The following CORIN variants were observed in gnomAD, a reference collection of about 807,000 sequenced individuals.
CORIN encodes corin, serine peptidase.
CORIN carries 117 observed loss-of-function variants against 125.3 expected under a neutral mutation model. That is an observed-to-expected ratio of 0.93 (90% CI 0.80 to 1.09). The LOEUF is 1.09. Ranked by LOEUF, CORIN falls within the 50% of genes least tolerant of loss-of-function variation. The pLI, the probability that CORIN is intolerant of heterozygous loss-of-function variation, is 0.00. For missense variants in CORIN, 1,253 were observed against 1,306.7 expected, an observed-to-expected ratio of 0.96 and a Z score of 0.63; for synonymous variants, 450 against 466.4, an observed-to-expected ratio of 0.96 and a Z score of 0.45.
rs1339769155 is a variant in CORIN at position 47,674,399 on chromosome 4, T to C, written c.1351A>G (p.Asn451Asp). Residue 451 changes from asparagine to aspartate, a missense_variant, in exon 10 of 22, where the codon AAC (asparagine) becomes GAC (aspartate). Transcript: ENST00000273857. ...TGTCAGCTGTTGTACTTACTACAGT[T>C]ATTCAGACTGTTGTTCGGGTCACAG... ...SLCDPNNSLNNCSQCEPITLE... is the reference protein window; with the variant it reads ...SLCDPNNSLNDCSQCEPITLE... 1 of 1,605,372 alleles carries C rather than the reference T, an allele frequency of 6.2e-7. No homozygotes were observed. The highest frequency in any genetic ancestry group is 1.1e-5 in the South Asian group (1 of 90,870).
At chr4:47,603,267 A>C (rs1009836719) in intron 20 of CORIN, 130 bp downstream of exon 20, 1 of 881,358 alleles carries the variant, frequency 1.1e-6, no homozygotes, top group Non-Finnish European at 1.7e-6. Flanking sequence ...TTCCGCCATG[A>C]TTGTAGGTTT....
At chr4:47,791,656 A>C (rs1731087364) in intron 2 of CORIN, among the ~76,000 whole-genome samples, 5 of 152,216 alleles carry the variant, frequency 3.3e-5, no homozygotes, top group Admixed American at 3.3e-4. Flanking sequence ...GGACATGGCA[A>C]ATAGACATAT....
intron 19 of CORIN, among the ~76,000 whole-genome samples, chr4:47,616,993 A>T (rs954290604): frequency 1.3e-5 from 2 of 152,240 alleles, no homozygotes; most frequent in Non-Finnish European, 2.9e-5. Context: ...ACCATACTCA[A>T]GGGAAAGCAG....
At chr4:47,658,273 T>C (rs1214221177) in intron 12 of CORIN, among the ~76,000 whole-genome samples, 3 of 152,212 alleles carry the variant, frequency 2.0e-5, no homozygotes. Flanking sequence ...TTGGACTCCA[T>C]ATCCTGCATA....
chr4:47,735,603 G>A (rs1728091430), intron 5 of CORIN, among the ~76,000 whole-genome samples: 1 of 152,052 alleles, frequency 6.6e-6, no homozygotes, highest in South Asian at 2.1e-4. Context: ...TGTTTTAAGT[G>A]GCATTTTAGT....
At chr4:47,794,237 C>A (rs1731196864) in intron 2 of CORIN, among the ~76,000 whole-genome samples, 1 of 152,024 alleles carries the variant, frequency 6.6e-6, no homozygotes, top group Non-Finnish European at 1.5e-5. Context: ...TCTTTTAACT[C>A]CAAATTCTTG....
intron 19 of CORIN, among the ~76,000 whole-genome samples, chr4:47,621,583 C>A (rs1224317073): frequency 6.6e-6 from 1 of 152,180 alleles, no homozygotes; most frequent in Non-Finnish European, 1.5e-5. Flanking sequence ...CAACAGATAG[C>A]TGGAAGAGAT....
intron 1 of CORIN, among the ~76,000 whole-genome samples, chr4:47,832,018 G>A (rs1733034936): frequency 6.6e-6 from 1 of 152,180 alleles, no homozygotes; most frequent in Non-Finnish European, 1.5e-5. Flanking sequence ...TTAAACACTT[G>A]GTGGATCTTT....
intron 13 of CORIN, among the ~76,000 whole-genome samples, chr4:47,652,995 C>T (rs1723803183): frequency 6.6e-6 from 1 of 152,080 alleles, no homozygotes; most frequent in African/African-American, 2.4e-5. Flanking sequence ...ATAGTAGTGC[C>T]CCTCCACCCT....
chr4:47,722,859 G>A (rs1727419253), intron 5 of CORIN, among the ~76,000 whole-genome samples: 1 of 152,188 alleles, frequency 6.6e-6, no homozygotes, highest in Non-Finnish European at 1.5e-5. Flanking sequence ...AAACAGTAAA[G>A]ACCAGTAAGC....
chr4:47,632,892 GCCTCAGCCT>G (rs1722896459), intron 16 of CORIN, among the ~76,000 whole-genome samples: 2 of 151,944 alleles, frequency 1.3e-5, no homozygotes, highest in African/African-American at 4.8e-5. Flanking sequence ...CAATTCTTCT[GCCTCAGCCT>G]CCTGGGTAGC....
chr4:47,710,860 C>A (rs1302565024), intron 5 of CORIN, among the ~76,000 whole-genome samples: 1 of 152,224 alleles, frequency 6.6e-6, no homozygotes, highest in Non-Finnish European at 1.5e-5. Flanking sequence ...ACTGCTCACA[C>A]GCATGATCTA....
At chr4:47,766,961 A>AG (rs1729782986) in intron 3 of CORIN, among the ~76,000 whole-genome samples, 1 of 151,988 alleles carries the variant, frequency 6.6e-6, no homozygotes, top group Admixed American at 6.5e-5. Flanking sequence ...AAAAAAAAAA[A>AG]AAAAGGTACA....
intron 5 of CORIN, among the ~76,000 whole-genome samples, chr4:47,725,636 G>T (rs1464774277): frequency 6.6e-6 from 1 of 152,000 alleles, no homozygotes; most frequent in Non-Finnish European, 1.5e-5. Context: ...CTCAATGCAG[G>T]TCATATAAAA....
At chr4:47,724,929 G>A (rs1416494531) in intron 5 of CORIN, among the ~76,000 whole-genome samples, 1 of 152,070 alleles carries the variant, frequency 6.6e-6, no homozygotes, top group African/African-American at 2.4e-5. Context: ...AGAGGTGAGG[G>A]GATTATACAG....
chr4:47,774,994 T>C (rs1730225792), intron 3 of CORIN, among the ~76,000 whole-genome samples: 2 of 151,864 alleles, frequency 1.3e-5, no homozygotes, highest in African/African-American at 4.8e-5. Flanking sequence ...GGGTATAGAG[T>C]TTCAGGCGTG....
chr4:47,706,483 A>C (rs901218600), intron 5 of CORIN: 25 of 1,611,406 alleles, frequency 1.6e-5, no homozygotes, highest in Non-Finnish European at 5.1e-6. Context: ...TGCTCTTCAC[A>C]GGGCTCCCCG....
chr4:47,787,513 CA>C lies in CORIN; in HGVS notation c.209-589del, dbSNP rs769509859. On this transcript the variant is annotated intron_variant, in intron 2 of 21. Transcript: ENST00000273857. ...TTATCAAAACTTGTATCATAGGAAC[CA>C]AAAAAAAAAAAACCTCTAAAGCACA... Among the ~76,000 whole-genome samples, 905 of 119,858 alleles carry C rather than the reference CA, an allele frequency of 7.6e-3. 4 individuals carry two copies. The highest frequency in any genetic ancestry group is 0.022 in the African/African-American group (714 of 33,202). The allele number at this position is 119,858 out of a possible 152,430, so 78.6% of individuals were successfully genotyped here.
intron 1 of CORIN, among the ~76,000 whole-genome samples, chr4:47,837,012 T>G (rs1209848377): frequency 1.3e-5 from 2 of 152,216 alleles, no homozygotes; most frequent in Non-Finnish European, 2.9e-5. Flanking sequence ...TTAGACCTTC[T>G]TCCTGGGGGC....
Sources: gnomAD v4.1 joint callset for allele counts (sites outside exome capture counted in the v4.1 genomes callset) on GRCh38, gnomAD v4.1.1 for gene constraint, MANE v1.5 for transcripts, NCBI Gene and HGNC (gene_info 2026-07-23, HGNC 2026-07-21) for gene names.